NGLY1: variants seen among roughly 807,000 people sequenced by gnomAD.
NGLY1 encodes the protein peptide-N(4)-(N-acetyl-beta-glucosaminyl)asparagine amidase.
NGLY1 carries 68 observed loss-of-function variants against 84.6 expected under a neutral mutation model. The observed-to-expected ratio is 0.80, with a 90% CI of 0.66 to 0.98. NGLY1 has a LOEUF of 0.98. NGLY1 is among the 50% of genes least tolerant of loss of function. The pLI is 0.00. For synonymous variants in NGLY1, 280 were observed against 275.2 expected (o/e 1.02, Z -0.17); for missense variants, 779 against 770.2 (o/e 1.01, Z -0.14).
At chr3:25,753,249 AT>A (rs932065497) in intron 3 of NGLY1, among the ~76,000 whole-genome samples, 3 of 151,986 alleles carry the variant, frequency 2.0e-5, no homozygotes, top group African/African-American at 7.2e-5. Context: ...CAATGAAGCA[AT>A]TTTTTTTGAA....
At chr3:25,724,591 A>G (rs1705158812) in intron 10 of NGLY1, among the ~76,000 whole-genome samples, 1 of 152,156 alleles carries the variant, frequency 6.6e-6, no homozygotes, top group Non-Finnish European at 1.5e-5. Flanking sequence ...CATAATTGCA[A>G]GGTAATCAAA....
chr3:25,770,121 CT>C (rs1707820219), intron 2 of NGLY1, among the ~76,000 whole-genome samples: 1 of 152,102 alleles, frequency 6.6e-6, no homozygotes, highest in Admixed American at 6.6e-5. Flanking sequence ...TTATTTCATT[CT>C]TTTTTTATAG....
At chr3:25,747,045 A>G (rs1343752532) in intron 4 of NGLY1, among the ~76,000 whole-genome samples, 1 of 152,186 alleles carries the variant, frequency 6.6e-6, no homozygotes, top group Non-Finnish European at 1.5e-5. Context: ...CATGTTGGCC[A>G]AGCTGGTCTA....
intron 3 of NGLY1, among the ~76,000 whole-genome samples, chr3:25,753,752 A>G (rs956159494): frequency 6.6e-6 from 1 of 152,206 alleles, no homozygotes; most frequent in Non-Finnish European, 1.5e-5. Flanking sequence ...AACAGGGAGA[A>G]AAGAAAAAAA....
intron 10 of NGLY1, among the ~76,000 whole-genome samples, chr3:25,722,993 T>G (rs1705082580): frequency 6.6e-6 from 1 of 152,190 alleles, no homozygotes; most frequent in African/African-American, 2.4e-5. Flanking sequence ...GACATAAACA[T>G]TAACAGATAT....
chr3:25,767,495 G>C (rs938564933), intron 2 of NGLY1, among the ~76,000 whole-genome samples: 40 of 152,162 alleles, frequency 2.6e-4, no homozygotes, highest in Non-Finnish European at 1.5e-5. Flanking sequence ...GTTGAAGAAA[G>C]AGGTGCAGGT....
chr3:25,735,322 T>A (rs1183011237), intron 7 of NGLY1: 1 of 152,114 alleles, frequency 6.6e-6, no homozygotes, highest in African/African-American at 2.4e-5. Context: ...AATGGACTTA[T>A]ATAAGAATAT....
chr3:25,752,830 T>C (rs1706827071), intron 3 of NGLY1, among the ~76,000 whole-genome samples: 1 of 150,990 alleles, frequency 6.6e-6, no homozygotes, highest in African/African-American at 2.4e-5. Flanking sequence ...TAATATAAAA[T>C]AAATAATATA....
At chr3:25,747,704 C>A (rs926613998) in intron 4 of NGLY1, among the ~76,000 whole-genome samples, 1 of 152,102 alleles carries the variant, frequency 6.6e-6, no homozygotes, top group African/African-American at 2.4e-5. Context: ...CATTAGAGAA[C>A]TGAGGTCACA....
intron 9 of NGLY1, among the ~76,000 whole-genome samples, chr3:25,731,230 A>G (rs1281757231): frequency 2.0e-5 from 3 of 152,116 alleles, no homozygotes; most frequent in Non-Finnish European, 4.4e-5. Flanking sequence ...TCCACTCCAT[A>G]AAGTTTTCAT....
chr3:25,749,941 TG>T, intron 4 of NGLY1: 3 of 451,844 alleles, frequency 6.6e-6, no homozygotes, highest in East Asian at 3.7e-5. Context: ...CTGTAAAAAC[TG>T]CCAAAAAAAA....
At chr3:25,757,697 C>G (rs138033482) in intron 3 of NGLY1, among the ~76,000 whole-genome samples, 1 of 152,292 alleles carries the variant, frequency 6.6e-6, no homozygotes, top group African/African-American at 2.4e-5. Flanking sequence ...TGATGTGCAA[C>G]AGTGGGCTTG....
chr3:25,746,030 A>C (rs570781626), intron 4 of NGLY1, among the ~76,000 whole-genome samples: 3 of 152,276 alleles, frequency 2.0e-5, no homozygotes, highest in Non-Finnish European at 4.4e-5. Flanking sequence ...TCATTTTACT[A>C]ATTTTTTTGA....
At chr3:25,754,200 G>A (rs947747721) in intron 3 of NGLY1, among the ~76,000 whole-genome samples, 3 of 152,084 alleles carry the variant, frequency 2.0e-5, no homozygotes, top group Non-Finnish European at 4.4e-5. Flanking sequence ...GGGATATAAC[G>A]GTTAAAAATT....
chr3:25,763,020 G>A (rs1276381215), intron 3 of NGLY1, among the ~76,000 whole-genome samples: 1 of 152,082 alleles, frequency 6.6e-6, no homozygotes, highest in African/African-American at 2.4e-5. Flanking sequence ...AGAAACTCAG[G>A]AGGCTGAGGC....
At chr3:25,720,825 C>T (rs1704948849) in intron 10 of NGLY1, among the ~76,000 whole-genome samples, 2 of 152,308 alleles carry the variant, frequency 1.3e-5, no homozygotes, top group Non-Finnish European at 1.5e-5. Flanking sequence ...CTCCTCAAAA[C>T]ATTGCCATGA....
rs2886127 is a variant in NGLY1, at chr3:25,763,809, T to C, written c.492+257A>G. On this transcript the variant is annotated intron_variant, in intron 3 of 11. Transcript: ENST00000280700. ...GAAGCTTTTTTATTGAATTAAGGTA[T>C]TGATAATGGTTGTGCTGTTGGAAAT... Among the ~76,000 whole-genome samples the C allele has an allele frequency of 0.66, 100,001 of 152,098 alleles. 38,770 individuals are homozygous for C. The highest frequency in any genetic ancestry group is 0.94 in the East Asian group (4,875 of 5,186).
At chr3:25,746,330 T>C (rs963612733) in intron 4 of NGLY1, among the ~76,000 whole-genome samples, 3 of 152,182 alleles carry the variant, frequency 2.0e-5, no homozygotes, top group African/African-American at 7.2e-5. Flanking sequence ...CTGATTTTCA[T>C]AATTTTCACT....
At chr3:25,775,511 A>G (rs1398728348) in intron 2 of NGLY1, among the ~76,000 whole-genome samples, 1 of 152,370 alleles carries the variant, frequency 6.6e-6, no homozygotes, top group East Asian at 1.9e-4. Context: ...ATGGAGGGAC[A>G]TTATGTTAAG....
Sources: allele counts gnomAD v4.1 joint callset (sites outside exome capture counted in the v4.1 genomes callset), GRCh38; gene constraint gnomAD v4.1.1; transcripts MANE v1.5; gene names NCBI Gene and HGNC (gene_info 2026-07-23, HGNC 2026-07-21).